Variants in NCOR1 observed in about 807,000 individuals in gnomAD.
The protein encoded by NCOR1 is protein phosphatase 1, regulatory subunit 109.
NCOR1 carries 63 observed loss-of-function variants against 288.1 expected under a neutral mutation model. The ratio of observed to expected loss-of-function variants is 0.22; its 90% confidence interval spans 0.18 to 0.27. The LOEUF (loss-of-function observed/expected upper bound fraction) is 0.27, where lower values mean the gene tolerates loss of function less well. NCOR1 is among the 10% of genes least tolerant of loss of function. NCOR1 has a pLI of 1.00. For missense variants in NCOR1, 2,397 were observed against 3,019.2 expected (o/e 0.79, Z 4.83); for synonymous variants, 1,007 against 1,065.9 (o/e 0.94, Z 1.08).
At chr17:16,087,294 T>C (rs1217443755) in intron 22 of NCOR1, 3 of 1,304,308 alleles carry the variant, frequency 2.3e-6, no homozygotes. Flanking sequence ...CTGTGCTTCC[T>C]GTTCTAGAGC....
At chr17:16,167,859 CAAAA>C (rs71299856) in intron 4 of NCOR1, among the ~76,000 whole-genome samples, 14 of 62,640 alleles carry the variant, frequency 2.2e-4, no homozygotes, top group Non-Finnish European at 3.2e-4. Flanking sequence ...GACTCCATCT[CAAAA>C]AAAAAAAAAA....
chr17:16,193,315 C>T (rs1177526749), intron 2 of NCOR1, among the ~76,000 whole-genome samples: 2 of 152,138 alleles, frequency 1.3e-5, no homozygotes, highest in Non-Finnish European at 2.9e-5. Flanking sequence ...ACTGCAACCT[C>T]TGCCTCCCAG....
chr17:16,075,166 C>A (rs952493077), intron 27 of NCOR1, among the ~76,000 whole-genome samples: 2 of 152,120 alleles, frequency 1.3e-5, no homozygotes, highest in African/African-American at 4.8e-5. Context: ...CGTGAACCAC[C>A]GCGCCCAGCC....
rs907328958 is a variant in NCOR1, at chr17:16,160,457, G to A, written c.619-1584C>T. Among the ~76,000 whole-genome samples, 3 of 152,102 alleles carry A rather than the reference G, an allele frequency of 2.0e-5. No homozygotes were observed. The South Asian group carries it at 6.2e-4, about 32-fold the overall frequency. On this transcript the variant is annotated intron_variant, in intron 5 of 45. Coordinates refer to ENST00000268712, the MANE Select transcript of NCOR1 (RefSeq NM_006311.4). ...TTAGGTAAAGACAAATTAAGGTTAA[G>A]TCTAGTATAGTCTATAGGCAAAAAT...
Position 16,101,356 on chromosome 17 carries a change from C to T in NCOR1, c.2584G>A (p.Val862Ile), listed in dbSNP as rs772409776. 3.0e-5 allele frequency: 49 copies of T among 1,614,098 alleles called. No homozygotes were observed. The highest frequency in any genetic ancestry group is 2.2e-4 in the East Asian group (10 of 44,904). ...KVEPRDEDLV[V>I]AQQINAQRPE... ...CTTTGGGCATTTATTTGCTGAGCTA[C>T]CACCAAATCTTCATCTCTAGGTTCC... Residue 862 changes from valine (V) to isoleucine (I), a missense_variant, in exon 20 of 46, where the codon GTA becomes ATA. Physicochemically the swap from Val to Ile is conservative, Grantham distance 29. Around this residue, in one of 11 missense-constraint regions of NCOR1, gnomAD observed 1,872 missense variants for 2,187.8 expected, o/e 0.86. Coordinates refer to ENST00000268712, the MANE Select transcript of NCOR1 (RefSeq NM_006311.4).
chr17:16,080,173 G>A, intron 25 of NCOR1, 109 bp from the exon 26 acceptor site: 2 of 934,400 alleles, frequency 2.1e-6, no homozygotes, highest in Non-Finnish European at 3.2e-6. Flanking sequence ...AAAGAAAAAA[G>A]CAGCACAAAA....
chr17:16,119,117 T>C (rs1207283900), intron 17 of NCOR1, among the ~76,000 whole-genome samples: 4 of 152,248 alleles, frequency 2.6e-5, no homozygotes, highest in Admixed American at 6.5e-5. Context: ...TTCAATAGCA[T>C]AGAGTCATAA....
intron 22 of NCOR1, chr17:16,087,101 G>C (rs1296866624): frequency 8.5e-7 from 1 of 1,182,110 alleles, no homozygotes; most frequent in Non-Finnish European, 1.1e-6. Flanking sequence ...TCATTCACGA[G>C]ATTAAACCAC....
intron 44 of NCOR1, 121 bp downstream of exon 44, chr17:16,039,312 A>G (rs1317566939): frequency 1.1e-6 from 1 of 928,916 alleles, no homozygotes; most frequent in Admixed American, 2.6e-5. Flanking sequence ...GGAAACCCTA[A>G]GAGGTGACTC....
chr17:16,117,527 A>AAC (rs1555672694), intron 18 of NCOR1, among the ~76,000 whole-genome samples: 4 of 151,628 alleles, frequency 2.6e-5, no homozygotes, highest in African/African-American at 9.7e-5. Context: ...AAAAAAAAAA[A>AAC]AAAAAAACAT....
rs200658514 is a variant in NCOR1 at position 16,101,359 on chromosome 17, C to T, written c.2581G>A (p.Val861Met). ...TGGGCATTTATTTGCTGAGCTACCA[C>T]CAAATCTTCATCTCTAGGTTCCACC... Reference protein sequence around the residue: ...EKVEPRDEDLVVAQQINAQRP... With the variant: ...EKVEPRDEDLMVAQQINAQRP... The change falls in exon 20 of 46, where the codon GTG (valine) becomes ATG (methionine). Residue 861 changes from valine (V) to methionine (M), a missense_variant. This residue lies in a region of NCOR1 where 1,872 missense variants were observed against 2,187.8 expected (regional missense o/e 0.86). Transcript: ENST00000268712. 9.3e-6 allele frequency: 15 copies of T among 1,614,066 alleles called. 1 individual carries two copies. In the African/African-American group the frequency reaches 1.9e-4, roughly 20 times the overall value.
chr17:16,045,086 G>A, intron 42 of NCOR1: 2 of 330,570 alleles, frequency 6.1e-6, no homozygotes, highest in African/African-American at 2.2e-5. Context: ...AAGACTGGGG[G>A]GATAGTTAGT....
intron 18 of NCOR1, 25 bp from the exon 19 acceptor site, chr17:16,108,937 G>T (rs764522344): frequency 9.9e-6 from 15 of 1,511,586 alleles, no homozygotes; most frequent in South Asian, 3.9e-5. Context: ...AGTATTATTT[G>T]ATTTAAATAA....
intron 5 of NCOR1, among the ~76,000 whole-genome samples, chr17:16,161,240 C>G (rs1035818770): frequency 1.5e-4 from 7 of 47,002 alleles, no homozygotes; most frequent in Admixed American, 6.5e-4. Flanking sequence ...GACACACACA[C>G]ACACACACAC....
intron 7 of NCOR1, among the ~76,000 whole-genome samples, chr17:16,152,525 T>G (rs888508509): frequency 5.9e-5 from 9 of 152,208 alleles, no homozygotes; most frequent in African/African-American, 1.2e-4. Flanking sequence ...GGTGTATATG[T>G]GCCACATTTT....
chr17:16,124,951 C>A (rs1190580300), intron 15 of NCOR1, among the ~76,000 whole-genome samples: 1 of 152,162 alleles, frequency 6.6e-6, no homozygotes, highest in Non-Finnish European at 1.5e-5. Context: ...ATAACCCATC[C>A]CTTCTGAAAA....
intron 5 of NCOR1, among the ~76,000 whole-genome samples, chr17:16,160,510 G>A (rs2080614421): frequency 1.3e-5 from 2 of 152,166 alleles, no homozygotes; most frequent in South Asian, 2.1e-4. Flanking sequence ...AAGACTGATA[G>A]GCCGGGTGCA....
chr17:16,196,830 AAAAAAAAAAAGAAAAG>A (rs2089921850), intron 1 of NCOR1, among the ~76,000 whole-genome samples: 1 of 150,746 alleles, frequency 6.6e-6, no homozygotes, highest in South Asian at 2.1e-4. Flanking sequence ...GTCTCAAAAA[AAAAAAAAAAAGAAAAG>A]AAAAAAAAAA....
chr17:16,159,627 C>T (rs141717997), intron 5 of NCOR1, among the ~76,000 whole-genome samples: 210 of 152,224 alleles, frequency 1.4e-3, no homozygotes, highest in African/African-American at 4.8e-3. Context: ...TAACCCTTAA[C>T]TCAGCATGGC....
Sources: allele counts gnomAD v4.1 joint callset (sites outside exome capture counted in the v4.1 genomes callset), GRCh38; gene constraint gnomAD v4.1.1; regional missense constraint gnomAD v4.1.1; transcripts MANE v1.5; gene names NCBI Gene and HGNC (gene_info 2026-07-23, HGNC 2026-07-21).